The following RNF38 variants were observed in gnomAD, a reference collection of about 807,000 sequenced individuals.
The protein encoded by RNF38 is E3 ubiquitin-protein ligase RNF38.
In RNF38, 15 loss-of-function variants were observed where a neutral mutation model predicts 67.2. The observed-to-expected ratio is 0.22, with a 90% confidence interval of 0.15 to 0.34. The LOEUF (loss-of-function observed/expected upper bound fraction) is 0.34, where lower values mean the gene tolerates loss of function less well. Among genes scored for constraint, RNF38 ranks in the 10% least tolerant of loss-of-function variants. The pLI, the probability that RNF38 is intolerant of heterozygous loss-of-function variation, is 1.00. For synonymous variants in RNF38, 220 were observed against 218.8 expected (o/e 1.01, Z -0.05); for missense variants, 524 against 639.9 (o/e 0.82, Z 1.95).
At chr9:36,484,931 C>G (rs1414777128) in intron 1 of RNF38, among the ~76,000 whole-genome samples, 1 of 152,098 alleles carries the variant, frequency 6.6e-6, no homozygotes, top group Non-Finnish European at 1.5e-5. Flanking sequence ...CTTTGGGAGG[C>G]AGAGGCGGGC....
rs145967815 is a variant in RNF38, at chr9:36,374,216, A to C, written c.356+1718T>G. On this transcript the variant is annotated intron_variant, in intron 3 of 11. Coordinates refer to ENST00000259605, the MANE Select transcript of RNF38 (RefSeq NM_022781.5). Reference sequence around the variant, plus strand: ...AAGTCTTAATGTCTCAACAGAATAGAGCTCAGAGACAGGTTTATGTTCTTT... The same window carrying C: ...AAGTCTTAATGTCTCAACAGAATAGCGCTCAGAGACAGGTTTATGTTCTTT... 3.5e-4 allele frequency among the ~76,000 whole-genome samples: 53 copies of C among 152,326 alleles called. No homozygotes were observed. The East Asian group carries it at 9.4e-3, about 27-fold the overall frequency.
intron 2 of RNF38, among the ~76,000 whole-genome samples, chr9:36,414,543 G>A (rs759972580): frequency 3.3e-5 from 5 of 151,866 alleles, no homozygotes; most frequent in African/African-American, 4.8e-5. Context: ...AAAATTAGCC[G>A]GGCGTGGTGG....
intron 1 of RNF38, among the ~76,000 whole-genome samples, chr9:36,395,938 G>C (rs1482279529): frequency 2.0e-5 from 3 of 152,080 alleles, no homozygotes; most frequent in Non-Finnish European, 4.4e-5. Flanking sequence ...TCATAAGGTA[G>C]GGTTATATAT....
intron 5 of RNF38, 125 bp from the exon 6 acceptor site, chr9:36,356,598 C>A: frequency 1.5e-6 from 1 of 678,120 alleles, no homozygotes; most frequent in South Asian, 2.5e-5. Flanking sequence ...TTTTTAATAG[C>A]TTATATTAAC....
intron 1 of RNF38, among the ~76,000 whole-genome samples, chr9:36,392,382 T>C (rs1338585570): frequency 6.6e-6 from 1 of 152,216 alleles, no homozygotes; most frequent in East Asian, 1.9e-4. Context: ...CGCAGAAGTA[T>C]GCATTGCTGA....
chr9:36,351,223 G>A, intron 8 of RNF38, 24 bp from the exon 9 acceptor site: 8 of 1,492,766 alleles, frequency 5.4e-6, no homozygotes, highest in Non-Finnish European at 6.5e-6. Flanking sequence ...AATCACACTA[G>A]CATTGATATG....
At chr9:36,435,622 G>GA (rs1437951402) in intron 1 of RNF38, among the ~76,000 whole-genome samples, 1 of 140,118 alleles carries the variant, frequency 7.1e-6, no homozygotes, top group Non-Finnish European at 1.6e-5. Context: ...AGTGAATGGA[G>GA]GTTTTTTTTT....
chr9:36,375,428 G>C (rs537554300), intron 3 of RNF38, among the ~76,000 whole-genome samples: 2 of 152,274 alleles, frequency 1.3e-5, no homozygotes, highest in African/African-American at 4.8e-5. Flanking sequence ...CTGGCCTCAA[G>C]TGATCCTCCC....
intron 1 of RNF38, among the ~76,000 whole-genome samples, chr9:36,449,103 T>C (rs1456031545): frequency 6.6e-6 from 1 of 152,232 alleles, no homozygotes; most frequent in Non-Finnish European, 1.5e-5. Flanking sequence ...GTAACTCTTA[T>C]TAATAATGGC....
At chr9:36,427,702 T>TAC (rs1838812150) in intron 1 of RNF38, among the ~76,000 whole-genome samples, 2 of 139,412 alleles carry the variant, frequency 1.4e-5, no homozygotes, top group Admixed American at 7.2e-5. Context: ...TATCTATCTA[T>TAC]CTACCTACCT....
chr9:36,472,916 G>A (rs1221408921), intron 1 of RNF38, among the ~76,000 whole-genome samples: 1 of 151,478 alleles, frequency 6.6e-6, no homozygotes, highest in Non-Finnish European at 1.5e-5. Flanking sequence ...TGGATCACCT[G>A]AGGTCAGGAG....
intron 1 of RNF38, among the ~76,000 whole-genome samples, chr9:36,470,996 A>G (rs1170750040): frequency 1.3e-5 from 2 of 152,206 alleles, no homozygotes; most frequent in Non-Finnish European, 2.9e-5. Flanking sequence ...CTCTTCCAGC[A>G]AATCTACAGG....
At chr9:36,473,748 A>G (rs939176262) in intron 1 of RNF38, among the ~76,000 whole-genome samples, 2 of 151,854 alleles carry the variant, frequency 1.3e-5, no homozygotes, top group African/African-American at 4.8e-5. Context: ...GCACTTTGGG[A>G]GGCTGAGGCA....
chr9:36,396,917 C>T (rs972580441), intron 1 of RNF38, among the ~76,000 whole-genome samples: 1 of 151,454 alleles, frequency 6.6e-6, no homozygotes, highest in African/African-American at 2.4e-5. Flanking sequence ...TAAGCTTCAA[C>T]AGTTCTCATA....
chr9:36,423,449 C>T (rs548106515), intron 2 of RNF38, among the ~76,000 whole-genome samples: 1 of 152,296 alleles, frequency 6.6e-6, no homozygotes, highest in South Asian at 2.1e-4. Flanking sequence ...GAGAAAAAGA[C>T]TGCTTAGATT....
intron 1 of RNF38, among the ~76,000 whole-genome samples, chr9:36,434,809 T>C (rs77690531): frequency 0.05 from 7,626 of 152,270 alleles, 589 homozygotes; most frequent in African/African-American, 0.17. Context: ...CTCTCAAGAT[T>C]AGAACTGGCT....
chr9:36,423,728 TC>T (rs1838690751), intron 2 of RNF38, among the ~76,000 whole-genome samples: 2 of 26,278 alleles, frequency 7.6e-5, no homozygotes, highest in Non-Finnish European at 2.3e-4. Context: ...GGCGGGCGGA[TC>T]ACGAGGTCAG....
In RNF38 at chr9:36,338,628, A is replaced by G. The variant is rs1429408290; in HGVS notation, c.*1124T>C. ...GGAGCTTGAACACAGAACACATATG[A>G]GAAGTCAAGCTGAATTAACAGGTTT... On this transcript the variant is annotated 3_prime_UTR_variant, in exon 12 of 12. Coordinates refer to ENST00000259605, the MANE Select transcript of RNF38 (RefSeq NM_022781.5). The G allele has an allele frequency of 6.6e-6, 1 of 152,424 alleles. No homozygotes were observed. The highest frequency in any genetic ancestry group is 1.5e-5 in the Non-Finnish European group (1 of 68,036). The allele number at this position is 152,424 out of a possible 1,614,324, so 9.4% of individuals were successfully genotyped here.
chr9:36,443,641 C>G (rs973120085), intron 1 of RNF38, among the ~76,000 whole-genome samples: 1 of 151,908 alleles, frequency 6.6e-6, no homozygotes, highest in Non-Finnish European at 1.5e-5. Flanking sequence ...ACCATATAGA[C>G]CAGAAAGCAA....
Sources: allele counts gnomAD v4.1 joint callset (sites outside exome capture counted in the v4.1 genomes callset), GRCh38; gene constraint gnomAD v4.1.1; transcripts MANE v1.5; gene names NCBI Gene and HGNC (gene_info 2026-07-23, HGNC 2026-07-21).